Variants in KIDINS220 observed in about 807,000 individuals in gnomAD.
The protein encoded by KIDINS220 is kinase D-interacting substrate of 220 kDa.
KIDINS220 carries 63 observed loss-of-function variants against 157.6 expected under a neutral mutation model. The observed-to-expected ratio is 0.40, with a 90% confidence interval of 0.33 to 0.49. The LOEUF is 0.49. Ranked by LOEUF, KIDINS220 falls within the 20% of genes least tolerant of loss-of-function variation. The probability of loss-of-function intolerance (pLI) is 0.66; values close to 1 mark genes in which losing one functional copy is unlikely to be tolerated. For missense variants in KIDINS220, 1,772 were observed against 2,171.2 expected (o/e 0.82, Z 3.65); for synonymous variants, 732 against 783.6 (o/e 0.93, Z 1.10).
intron 15 of KIDINS220, 85 bp downstream of exon 15, chr2:8,788,562 C>T (rs958068733): frequency 2.2e-6 from 3 of 1,343,218 alleles, no homozygotes; most frequent in Admixed American, 1.9e-5. Context: ...AGCCACCACA[C>T]CCGGCTCCTA....
intron 7 of KIDINS220, among the ~76,000 whole-genome samples, chr2:8,804,680 C>A (rs1244375502): frequency 6.6e-6 from 1 of 152,118 alleles, no homozygotes; most frequent in Non-Finnish European, 1.5e-5. Flanking sequence ...ATGTTTTCCC[C>A]AATATTAAAA....
At chr2:8,752,611 T>C (rs555530845) in intron 22 of KIDINS220, among the ~76,000 whole-genome samples, 2 of 152,096 alleles carry the variant, frequency 1.3e-5, no homozygotes, top group Non-Finnish European at 2.9e-5. Context: ...CGAAAGCAAA[T>C]CTGACTGGTT....
At chr2:8,832,323 T>C (rs1330470571) in intron 1 of KIDINS220, among the ~76,000 whole-genome samples, 1 of 152,186 alleles carries the variant, frequency 6.6e-6, no homozygotes, top group Non-Finnish European at 1.5e-5. Context: ...GAATAATTGA[T>C]TATTAAATGT....
chr2:8,788,609 C>A, intron 15 of KIDINS220, 38 bp downstream of exon 15: 1 of 1,580,812 alleles, frequency 6.3e-7, no homozygotes, highest in South Asian at 1.1e-5. Flanking sequence ...TTTTCTGAAT[C>A]TCATTGAAGA....
At chr2:8,732,722 T>C (rs573531540) in intron 29 of KIDINS220, among the ~76,000 whole-genome samples, 1 of 152,052 alleles carries the variant, frequency 6.6e-6, no homozygotes, top group Non-Finnish European at 1.5e-5. Flanking sequence ...CTCAAGGAAA[T>C]AGGACATTTT....
chr2:8,770,611 T>G (rs1259886697), intron 22 of KIDINS220, 59 bp downstream of exon 22: 600 of 1,031,400 alleles, frequency 5.8e-4, no homozygotes, highest in East Asian at 1.1e-3. Context: ...TACGCGTTTT[T>G]TTTTTTTTTT....
chr2:8,733,477 T>C lies in KIDINS220; in HGVS notation c.4020A>G (p.Glu1340=). 1 of 1,614,084 alleles carries C rather than the reference T, an allele frequency of 6.2e-7. No homozygotes were observed. The change falls in exon 29 of 30, where the codon GAA becomes GAG. Residue 1340 remains glutamate, a synonymous_variant. Coordinates refer to ENST00000256707, the MANE Select transcript of KIDINS220 (RefSeq NM_020738.4). The part of the protein sequence containing the change: ...FEELNTLGLD[E]GAPRHSNLSW... ...TTAGATTACTGTGACGAGGGGCACC[T>C]TCATCCAGGCCAAGCGTGTTCAGCT...
intron 17 of KIDINS220, among the ~76,000 whole-genome samples, chr2:8,784,704 A>C (rs1482173725): frequency 6.6e-6 from 1 of 152,212 alleles, no homozygotes; most frequent in Non-Finnish European, 1.5e-5. Context: ...AATTCAAACA[A>C]TAAGATACCA....
At position 8,817,652 on chromosome 2, in the gene KIDINS220, AG is replaced by A. The variant is rs768571725; in HGVS notation, c.271del (p.Leu91Ter). On this transcript the variant is annotated frameshift_variant, in exon 4 of 30. Transcript: ENST00000256707. LOFTEE classifies it high-confidence loss of function. ...GTGCTCCAAGTTAACCCCACATTTCAGTAGTTCCTCTACGATGTGCACATGC... is the reference window on the plus strand; with the variant it reads ...GTGCTCCAAGTTAACCCCACATTTCATAGTTCCTCTACGATGTGCACATGC... Reference protein sequence around the residue: ...EGHVHIVEELLKCGVNLEHRD... With the variant: ...EGHVHIVEELXKCGVNLEHRD... 2 of 1,607,648 alleles carry A rather than the reference AG, an allele frequency of 1.2e-6. No homozygotes were observed. The highest frequency in any genetic ancestry group is 1.7e-6 in the Non-Finnish European group (2 of 1,176,314).
intron 2 of KIDINS220, among the ~76,000 whole-genome samples, chr2:8,824,359 GTAA>G: frequency 6.6e-6 from 1 of 152,252 alleles, no homozygotes; most frequent in South Asian, 2.1e-4. Context: ...GTCAGAAAAA[GTAA>G]TAATAAAGTA....
In KIDINS220 at chr2:8,797,229, C is replaced by T. The variant is rs568453181; in HGVS notation, c.1000-360G>A. ...ACCAACCCACAGCCCAGCCTGTCAACGTCCAGGTAAGCCAGTGTCCAGAGT... is the reference window on the plus strand; with the variant it reads ...ACCAACCCACAGCCCAGCCTGTCAATGTCCAGGTAAGCCAGTGTCCAGAGT... On this transcript the variant is annotated intron_variant, in intron 10 of 29. Coordinates refer to ENST00000256707, the MANE Select transcript of KIDINS220 (RefSeq NM_020738.4). Among the ~76,000 whole-genome samples the T allele has an allele frequency of 5.9e-5, 9 of 152,336 alleles. No individual in the cohort carries two copies. In the South Asian group the frequency reaches 8.3e-4, roughly 14 times the overall value.
chr2:8,741,373 C>A (rs1218275617), intron 26 of KIDINS220, among the ~76,000 whole-genome samples: 1 of 152,190 alleles, frequency 6.6e-6, no homozygotes. Flanking sequence ...TCAAGACCAG[C>A]CTGGCCAACA....
chr2:8,744,419 T>A lies in KIDINS220; in HGVS notation c.3585+2726A>T, dbSNP rs1469902383. 8.8e-4 allele frequency among the ~76,000 whole-genome samples: 84 copies of A among 95,618 alleles called. 3 individuals carry two copies. Among genetic ancestry groups the A allele is most frequent in the African/African-American group, 3.1e-3 (72 of 23,118 alleles). The allele number at this position is 95,618 out of a possible 152,430, so 62.7% of individuals were successfully genotyped here. The stretch of plus-strand genomic sequence containing the variant: ...TATATATAATATATATATATATATA[T>A]ATATATATATATATATATATATATA... On this transcript the variant is annotated intron_variant, in intron 26 of 29. Coordinates refer to ENST00000256707, the MANE Select transcript of KIDINS220 (RefSeq NM_020738.4).
chr2:8,788,249 T>C (rs1572659962), intron 15 of KIDINS220, among the ~76,000 whole-genome samples: 2 of 151,700 alleles, frequency 1.3e-5, no homozygotes, highest in Non-Finnish European at 2.9e-5. Context: ...GGAACATACA[T>C]TGAGAAATTA....
intron 2 of KIDINS220, among the ~76,000 whole-genome samples, chr2:8,822,815 T>G (rs1572809648): frequency 6.6e-6 from 1 of 152,102 alleles, no homozygotes; most frequent in Admixed American, 6.6e-5. Flanking sequence ...TCTTCACTAC[T>G]CTATAAAGGA....
chr2:8,793,749 T>C (rs989003446), intron 12 of KIDINS220, 61 bp downstream of exon 12: 46 of 1,452,668 alleles, frequency 3.2e-5, no homozygotes, highest in Admixed American at 2.3e-4. Flanking sequence ...TTATTTTCCA[T>C]ATTCTTTAAT....
chr2:8,800,441 C>T lies in KIDINS220; in HGVS notation c.859G>A (p.Ala287Thr), dbSNP rs1374649072. The change falls in exon 9 of 30, where the codon GCG becomes ACG. Residue 287 changes from alanine to threonine, a missense_variant. Ala to Thr is a moderately conservative substitution (Grantham distance 58). Transcript: ENST00000256707. ...ATATCAGCATATTTTTGGAGAAGCGCTCGAACAATTTCAACATGACCACCT... is the reference window on the plus strand; with the variant it reads ...ATATCAGCATATTTTTGGAGAAGCGTTCGAACAATTTCAACATGACCACCT... ...VRGGHVEIVRALLQKYADIDI... is the reference protein window; with the variant it reads ...VRGGHVEIVRTLLQKYADIDI... 4 of 1,613,560 alleles carry T rather than the reference C, an allele frequency of 2.5e-6. No homozygotes were observed. Among genetic ancestry groups the T allele is most frequent in the Non-Finnish European group, 3.4e-6 (4 of 1,179,826 alleles).
At position 8,736,789 on chromosome 2, in the gene KIDINS220, A is replaced by G. The variant is rs572006917; in HGVS notation, c.3717+79T>C. The stretch of plus-strand genomic sequence containing the variant: ...GGAATGCATGTTTGGGAAGCTATAC[A>G]TAAAGTTTACACGACCCACACAGTC... On this transcript the variant is annotated intron_variant, in intron 27 of 29. Transcript: ENST00000256707. 3.3e-5 allele frequency: 49 copies of G among 1,470,558 alleles called. 1 individual carries two copies. In the African/African-American group the frequency reaches 5.7e-4, roughly 17 times the overall value. 91.1% of individuals were successfully genotyped at this position (1,470,558 alleles called of 1,614,324 possible). A position where few individuals can be genotyped will look rare whatever the true frequency, so the allele number is the denominator to read the frequency against.
chr2:8,745,614 T>C (rs1173895321), intron 26 of KIDINS220, among the ~76,000 whole-genome samples: 2 of 152,038 alleles, frequency 1.3e-5, no homozygotes, highest in Non-Finnish European at 2.9e-5. Flanking sequence ...CTGGCCAACA[T>C]GGTGAAACCC....
Sources: gnomAD v4.1 joint callset for allele counts (sites outside exome capture counted in the v4.1 genomes callset) on GRCh38, gnomAD v4.1.1 for gene constraint, MANE v1.5 for transcripts, NCBI Gene and HGNC (gene_info 2026-07-23, HGNC 2026-07-21) for gene names.